Variants in CYB5R4 observed in about 807,000 individuals in gnomAD.
CYB5R4 encodes cytochrome b5 reductase 4.
CYB5R4 carries 55 observed loss-of-function variants against 70.2 expected under a neutral mutation model. The observed-to-expected ratio is 0.78, with a 90% CI of 0.63 to 0.98. The LOEUF (loss-of-function observed/expected upper bound fraction) is 0.98, where lower values mean the gene tolerates loss of function less well. Among genes scored for constraint, CYB5R4 ranks in the 50% least tolerant of loss-of-function variants. CYB5R4 has a pLI of 0.00. For synonymous variants in CYB5R4, 197 were observed against 199.5 expected, an observed-to-expected ratio of 0.99 and a Z score of 0.11; for missense variants, 562 against 612.6, an observed-to-expected ratio of 0.92 and a Z score of 0.87.
intron 14 of CYB5R4, among the ~76,000 whole-genome samples, chr6:83,948,380 A>AC (rs1562846382): frequency 6.6e-6 from 1 of 152,144 alleles, no homozygotes; most frequent in African/African-American, 2.4e-5. Context: ...GGTGGGGGCC[A>AC]AAGGGAGGGA....
chr6:83,907,603 A>G lies in CYB5R4; in HGVS notation c.331-1406A>G, dbSNP rs990698362. Among the ~76,000 whole-genome samples, 3 of 151,928 alleles carry G rather than the reference A, an allele frequency of 2.0e-5. No individual in the cohort carries two copies. The East Asian group carries it at 5.8e-4, about 29-fold the overall frequency. ...ATCCAGGTACTAAGCCTGGTACCCA[A>G]TAGTTATTTTTTCTGCTCCTCTCCC... On this transcript the variant is annotated intron_variant, in intron 3 of 15. Coordinates refer to ENST00000369681, the MANE Select transcript of CYB5R4 (RefSeq NM_016230.4).
chr6:83,910,373 G>A lies in CYB5R4; in HGVS notation c.412+1283G>A, dbSNP rs539181190. On this transcript the variant is annotated intron_variant, in intron 4 of 15. Coordinates refer to ENST00000369681, the MANE Select transcript of CYB5R4 (RefSeq NM_016230.4). ...TTACTGGTGGAGAGAGGGAGGCTGG[G>A]AGTCATTCTGAAGTGGGCTTTACTA... The A allele has an allele frequency of 4.6e-4, 232 of 505,340 alleles. 1 individual carries two copies. Among genetic ancestry groups the A allele is most frequent in the Non-Finnish European group, 7.6e-4 (215 of 281,532 alleles). 31.3% of individuals were successfully genotyped at this position (505,340 alleles called of 1,614,324 possible). A position where few individuals can be genotyped will look rare whatever the true frequency, so the allele number is the denominator to read the frequency against.
intron 3 of CYB5R4, 76 bp from the exon 4 acceptor site, chr6:83,908,933 G>C: frequency 3.2e-6 from 4 of 1,241,868 alleles, no homozygotes; most frequent in Non-Finnish European, 4.7e-6. Context: ...AGAAAGTTTA[G>C]TTTTGCTCGT....
intron 11 of CYB5R4, among the ~76,000 whole-genome samples, chr6:83,934,991 TTAC>T (rs1025509752): frequency 2.6e-5 from 4 of 152,132 alleles, no homozygotes; most frequent in African/African-American, 7.2e-5. Context: ...TTGTAATTTA[TTAC>T]TAACAAAACC....
chr6:83,866,106 G>T (rs1014562268), intron 2 of CYB5R4, among the ~76,000 whole-genome samples: 1 of 152,168 alleles, frequency 6.6e-6, no homozygotes, highest in African/African-American at 2.4e-5. Flanking sequence ...ACACCTTTCA[G>T]CTGGCCCAGG....
chr6:83,956,306 C>A (rs540214936), intron 15 of CYB5R4, among the ~76,000 whole-genome samples: 1 of 152,220 alleles, frequency 6.6e-6, no homozygotes, highest in South Asian at 2.1e-4. Flanking sequence ...CATGAGACAT[C>A]AATCAAATAC....
chr6:83,909,174 T>C, intron 4 of CYB5R4, 84 bp downstream of exon 4: 2 of 1,063,190 alleles, frequency 1.9e-6, no homozygotes, highest in Admixed American at 2.1e-5. Flanking sequence ...ACTAGGTCTA[T>C]ACAAATCACT....
chr6:83,958,922 C>T (rs2099472876), intron 15 of CYB5R4, among the ~76,000 whole-genome samples: 2 of 152,116 alleles, frequency 1.3e-5, no homozygotes, highest in African/African-American at 4.8e-5. Context: ...AGTTATTATA[C>T]TATTTTCCTA....
rs546167718 is a variant in CYB5R4, at chr6:83,954,997, T to G, written c.1347-301T>G. On this transcript the variant is annotated intron_variant, in intron 14 of 15. Transcript: ENST00000369681. Reference sequence around the variant, plus strand: ...CTGTTCTCAAACAATCCTCCCACCTTGGCCTCCCAAGATGCTAGGGTTACA... The same window carrying G: ...CTGTTCTCAAACAATCCTCCCACCTGGGCCTCCCAAGATGCTAGGGTTACA... 6.7e-4 allele frequency among the ~76,000 whole-genome samples: 102 copies of G among 151,990 alleles called. 1 individual carries two copies. The highest frequency in any genetic ancestry group is 2.0e-3 in the African/African-American group (83 of 41,550).
At chr6:83,949,764 A>G (rs2099471234) in intron 14 of CYB5R4, among the ~76,000 whole-genome samples, 1 of 152,194 alleles carries the variant, frequency 6.6e-6, no homozygotes, top group African/African-American at 2.4e-5. Context: ...TCAAAATAAA[A>G]TTGTATAATG....
intron 14 of CYB5R4, among the ~76,000 whole-genome samples, chr6:83,949,817 G>A (rs1320056314): frequency 6.6e-6 from 1 of 152,162 alleles, no homozygotes; most frequent in African/African-American, 2.4e-5. Flanking sequence ...TACTTTATCT[G>A]GCTGAGCTTC....
At position 83,955,474 on chromosome 6, in the gene CYB5R4, T is replaced by C. The variant is rs1255595480; in HGVS notation, c.1511+12T>C. On this transcript the variant is annotated intron_variant, in intron 15 of 15. Transcript: ENST00000369681. The stretch of plus-strand genomic sequence containing the variant: ...GAACAAGGAGTAAGGTGAGTAACAG[T>C]GTAGTAGGAAACAGACTGCCCAACA... The C allele has an allele frequency of 3.1e-6, 5 of 1,609,106 alleles. No homozygotes were observed. The highest frequency in any genetic ancestry group is 3.4e-6 in the Non-Finnish European group (4 of 1,177,074).
intron 3 of CYB5R4, among the ~76,000 whole-genome samples, chr6:83,906,948 T>C (rs1374209410): frequency 6.6e-6 from 1 of 152,358 alleles, no homozygotes; most frequent in East Asian, 1.9e-4. Context: ...CAATTGGACA[T>C]TTAAATTGTT....
At chr6:83,955,223 T>G (rs1166757275) in intron 14 of CYB5R4, 75 bp from the exon 15 acceptor site, 1 of 1,221,210 alleles carries the variant, frequency 8.2e-7, no homozygotes, top group East Asian at 2.5e-5. Context: ...GGGAGAAATA[T>G]ATTCTTGAAC....
intron 15 of CYB5R4, 74 bp from the exon 16 acceptor site, chr6:83,959,750 G>C: frequency 7.9e-7 from 1 of 1,260,318 alleles, no homozygotes; most frequent in Non-Finnish European, 1.1e-6. Context: ...CATGATTATG[G>C]TGGTAAACTG....
At chr6:83,958,903 T>TA (rs886511295) in intron 15 of CYB5R4, among the ~76,000 whole-genome samples, 157 of 152,288 alleles carry the variant, frequency 1.0e-3, no homozygotes, top group African/African-American at 3.5e-3. Flanking sequence ...GAGTAAGTGG[T>TA]AAAAAAGTAG....
At chr6:83,954,912 T>A (rs2129145890) in intron 14 of CYB5R4, among the ~76,000 whole-genome samples, 1 of 142,526 alleles carries the variant, frequency 7.0e-6, no homozygotes, top group South Asian at 2.3e-4. Context: ...TTGTTGTTTT[T>A]GGGTTTTTTT....
intron 2 of CYB5R4, among the ~76,000 whole-genome samples, chr6:83,874,444 C>T (rs1171861735): frequency 2.0e-5 from 3 of 151,860 alleles, no homozygotes; most frequent in South Asian, 4.2e-4. Context: ...TCAAGCAATC[C>T]TCCTGCCTTG....
Position 83,867,315 on chromosome 6 carries a change from T to C in CYB5R4, c.229+2987T>C, listed in dbSNP as rs142346540. Among the ~76,000 whole-genome samples, 81 of 152,288 alleles carry C rather than the reference T, an allele frequency of 5.3e-4. No homozygotes were observed. In the South Asian group the frequency reaches 7.5e-3, roughly 14 times the overall value. ...ACAAACACAGGAAAGTTTGAGGTGT[T>C]CTGGAGCTTAGGTTAATTGTTGGAG... On this transcript the variant is annotated intron_variant, in intron 2 of 15. Coordinates refer to ENST00000369681, the MANE Select transcript of CYB5R4 (RefSeq NM_016230.4).
Sources: allele counts gnomAD v4.1 joint callset (sites outside exome capture counted in the v4.1 genomes callset), GRCh38; gene constraint gnomAD v4.1.1; transcripts MANE v1.5; gene names NCBI Gene and HGNC (gene_info 2026-07-23, HGNC 2026-07-21).